Variants in ABCA8 observed in about 807,000 individuals in gnomAD.
ABCA8 encodes ABC-type organic anion transporter ABCA8.
Under a neutral mutation model 192.3 loss-of-function variants are expected in ABCA8, and 177 were observed. The ratio of observed to expected loss-of-function variants is 0.92; its 90% CI spans 0.81 to 1.04. The LOEUF (loss-of-function observed/expected upper bound fraction) is 1.04, where lower values mean the gene tolerates loss of function less well. ABCA8 is among the 50% of genes least tolerant of loss of function. The pLI is 0.00. For synonymous variants in ABCA8, 642 were observed against 690.2 expected, an observed-to-expected ratio of 0.93 and a Z score of 1.09; for missense variants, 1,915 against 1,904.8, an observed-to-expected ratio of 1.01 and a Z score of -0.10.
intron 26 of ABCA8, among the ~76,000 whole-genome samples, chr17:68,886,093 ATAT>A (rs1490843553): frequency 6.6e-6 from 1 of 152,166 alleles, no homozygotes; most frequent in Non-Finnish European, 1.5e-5. Flanking sequence ...GGAAGCCCTC[ATAT>A]TTTACCTTCT....
intron 24 of ABCA8, among the ~76,000 whole-genome samples, chr17:68,887,924 ATT>A (rs2066523399): frequency 1.2e-4 from 1 of 8,444 alleles, no homozygotes. Flanking sequence ...ATATATATAT[ATT>A]ATATATGGAT....
rs754028809 is a variant in ABCA8, at chr17:68,929,182, C to G, written c.992G>C (p.Gly331Ala). 6.2e-6 allele frequency: 10 copies of G among 1,608,804 alleles called. No individual in the cohort carries two copies. In the African/African-American group the frequency reaches 1.2e-4, roughly 19 times the overall value. Residue 331 changes from glycine (G) to alanine (A), a missense_variant, in exon 9 of 40, where the codon GGC (glycine) becomes GCC (alanine). Transcript: ENST00000586539. ...SILVKKSFLT[G>A]LVVFLLTVFW... is the part of the protein sequence containing the mutation. Reference sequence around the variant, plus strand: ...GACAGTGAGGAGGAACACGACCAGGCCGGTGAGGAAAGATTTCTTTACCAA... The same window carrying G: ...GACAGTGAGGAGGAACACGACCAGGGCGGTGAGGAAAGATTTCTTTACCAA...
At chr17:68,873,877 C>A (rs138968267) in intron 37 of ABCA8, among the ~76,000 whole-genome samples, 328 of 152,232 alleles carry the variant, frequency 2.2e-3, no homozygotes, top group Non-Finnish European at 3.1e-3. Context: ...GGATTTATTT[C>A]TCGGCTGTCT....
rs999885864 is a variant in ABCA8 at position 68,867,562 on chromosome 17, A to T, written c.*523T>A. On this transcript the variant is annotated 3_prime_UTR_variant, in exon 40 of 40. Transcript: ENST00000586539. ...TGGTGTTACCTGTGGATATGTTATC[A>T]ACGATATTGATATCAGATACTATGA... 9 of 152,212 alleles carry T rather than the reference A, an allele frequency of 5.9e-5. No individual in the cohort carries two copies. The highest frequency in any genetic ancestry group is 1.2e-4 in the Non-Finnish European group (8 of 68,044). The allele number at this position is 152,212 out of a possible 1,614,324, so 9.4% of individuals were successfully genotyped here.
chr17:68,942,172 C>T (rs528008239), intron 2 of ABCA8, 133 bp from the exon 3 acceptor site: 8 of 645,954 alleles, frequency 1.2e-5, no homozygotes, highest in Non-Finnish European at 1.9e-5. Flanking sequence ...TGAGTGTTCC[C>T]AAGTCAGCAT....
intron 21 of ABCA8, among the ~76,000 whole-genome samples, chr17:68,897,756 A>T (rs1162526150): frequency 6.6e-6 from 1 of 152,212 alleles, no homozygotes; most frequent in Non-Finnish European, 1.5e-5. Context: ...GATTTGAATG[A>T]TCAGCAGAAA....
At chr17:68,903,273 G>T (rs752061157) in intron 20 of ABCA8, 28 bp downstream of exon 20, 24 of 1,610,250 alleles carry the variant, frequency 1.5e-5, no homozygotes, top group East Asian at 8.9e-5. Context: ...GACTTAAAAA[G>T]AAAACCTATG....
At chr17:68,917,260 A>AACAAG in intron 17 of ABCA8, 101 bp downstream of exon 17, 1 of 735,024 alleles carries the variant, frequency 1.4e-6, no homozygotes, top group South Asian at 2.6e-5. Flanking sequence ...AACAAAACAA[A>AACAAG]AAATAACAAT....
chr17:68,932,327 G>C lies in ABCA8; in HGVS notation c.758C>G (p.Ala253Gly), dbSNP rs62638729. 21,753 of 1,613,602 alleles carry C rather than the reference G, an allele frequency of 0.013. 2,213 individuals are homozygous for C. In the African/African-American group the frequency reaches 0.24, roughly 18 times the overall value. The part of the protein sequence containing the change: ...NVTRERKRMK[A>G]LMTMMGLRDS... ...CCGAAGACCCATCATTGTCATCAAGGCCTTCATCCTTTTCCTCTCTCTTGT... is the reference window on the plus strand; with the variant it reads ...CCGAAGACCCATCATTGTCATCAAGCCCTTCATCCTTTTCCTCTCTCTTGT... The change falls in exon 7 of 40, where the codon GCC becomes GGC. Residue 253 changes from alanine (A) to glycine (G), a missense_variant. Transcript: ENST00000586539.
intron 1 of ABCA8, among the ~76,000 whole-genome samples, chr17:68,949,752 G>A (rs529059120): frequency 1.6e-4 from 25 of 152,298 alleles, no homozygotes; most frequent in African/African-American, 4.8e-4. Flanking sequence ...ATCCCTTCAT[G>A]TTAAAACCTC....
At chr17:68,897,062 T>A (rs976077148) in intron 21 of ABCA8, among the ~76,000 whole-genome samples, 1 of 152,226 alleles carries the variant, frequency 6.6e-6, no homozygotes, top group Non-Finnish European at 1.5e-5. Context: ...CTGGGGATCT[T>A]GTAATGTTTC....
chr17:68,877,701 C>G, intron 32 of ABCA8, 22 bp from the exon 33 acceptor site: 2 of 1,601,680 alleles, frequency 1.2e-6, no homozygotes, highest in Non-Finnish European at 8.5e-7. Context: ...AGTTCCCTCT[C>G]AGAACCTACC....
intron 5 of ABCA8, among the ~76,000 whole-genome samples, chr17:68,936,626 T>C (rs1283408547): frequency 1.3e-5 from 2 of 152,118 alleles, no homozygotes; most frequent in African/African-American, 4.8e-5. Flanking sequence ...GGGAAATTTG[T>C]TCTATCTTAT....
At position 68,922,160 on chromosome 17, in the gene ABCA8, A is replaced by G. The variant is rs2067549309; in HGVS notation, c.1501+82T>C. 7.6e-6 allele frequency: 7 copies of G among 923,148 alleles called. No homozygotes were observed. The South Asian group carries it at 1.9e-4, about 25-fold the overall frequency. 57.2% of individuals were successfully genotyped at this position (923,148 alleles called of 1,614,324 possible). A position where few individuals can be genotyped will look rare whatever the true frequency, so the allele number is the denominator to read the frequency against. ...AAACTGAATTAAAATCAGGAAATCA[A>G]TACTAATATAACAAATATTTTCTTT... is the stretch of plus-strand genomic sequence containing the variant. On this transcript the variant is annotated intron_variant, in intron 12 of 39. Transcript: ENST00000586539.
chr17:68,937,932 A>G (rs766165211), intron 4 of ABCA8, among the ~76,000 whole-genome samples: 52 of 152,142 alleles, frequency 3.4e-4, no homozygotes, highest in Non-Finnish European at 7.1e-4. Flanking sequence ...TACAGAATAC[A>G]GTTTTTGTAG....
intron 37 of ABCA8, among the ~76,000 whole-genome samples, chr17:68,873,524 C>A (rs1251319868): frequency 2.0e-5 from 3 of 152,126 alleles, no homozygotes; most frequent in Non-Finnish European, 4.4e-5. Context: ...TCAATTGTTT[C>A]TTTTGCTGTG....
At chr17:68,912,229 G>A (rs1173789823) in intron 17 of ABCA8, among the ~76,000 whole-genome samples, 1 of 152,146 alleles carries the variant, frequency 6.6e-6, no homozygotes, top group East Asian at 1.9e-4. Context: ...ACAGAGAAGG[G>A]ACTCAGAATC....
At chr17:68,918,287 G>T in intron 15 of ABCA8, 102 bp from the exon 16 acceptor site, 2 of 1,505,174 alleles carry the variant, frequency 1.3e-6, no homozygotes, top group Non-Finnish European at 1.8e-6. Flanking sequence ...GAGTATTACG[G>T]TTAGGATTTA....
intron 17 of ABCA8, among the ~76,000 whole-genome samples, chr17:68,916,216 C>CA (rs1415124346): frequency 6.6e-6 from 1 of 151,608 alleles, no homozygotes; most frequent in Non-Finnish European, 1.5e-5. Context: ...GCACATTCTT[C>CA]ACAGATTATA....
Sources: allele counts gnomAD v4.1 joint callset (sites outside exome capture counted in the v4.1 genomes callset), GRCh38; gene constraint gnomAD v4.1.1; transcripts MANE v1.5; gene names NCBI Gene and HGNC (gene_info 2026-07-23, HGNC 2026-07-21).